The following OTOA variants were observed in gnomAD, a reference collection of about 807,000 sequenced individuals.
OTOA encodes the protein cancer/testis antigen 108.
OTOA carries 70 observed loss-of-function variants against 110.8 expected under a neutral mutation model. The ratio of observed to expected loss-of-function variants is 0.63; its 90% CI spans 0.52 to 0.77. The LOEUF is 0.77. Among genes scored for constraint, OTOA ranks in the 30% least tolerant of loss-of-function variants. The probability of loss-of-function intolerance (pLI) is 0.00; values close to 1 mark genes in which losing one functional copy is unlikely to be tolerated. For missense variants in OTOA, 917 were observed against 1,075.8 expected (o/e 0.85, Z 2.06); for synonymous variants, 373 against 431.5 (o/e 0.86, Z 1.68).
intron 13 of OTOA, among the ~76,000 whole-genome samples, chr16:21,710,411 A>T (rs1452609770): frequency 6.6e-6 from 1 of 152,068 alleles, no homozygotes; most frequent in African/African-American, 2.4e-5. Flanking sequence ...GCCCCACCTG[A>T]CCCTCATTAT....
intron 18 of OTOA, 44 bp from the exon 19 acceptor site, chr16:21,726,479 A>G: frequency 6.2e-7 from 1 of 1,612,002 alleles, no homozygotes; most frequent in Non-Finnish European, 8.5e-7. Flanking sequence ...GGCCAACAGG[A>G]GCAGCCATGT....
At chr16:21,711,486 T>C (rs1047526029) in intron 13 of OTOA, among the ~76,000 whole-genome samples, 8 of 152,176 alleles carry the variant, frequency 5.3e-5, no homozygotes, top group Non-Finnish European at 1.0e-4. Context: ...ATTTTTTTTT[T>C]GATACGGAGT....
Position 21,684,432 on chromosome 16 carries a change from G to A in OTOA, c.268-798G>A, listed in dbSNP as rs1178108670. The A allele has an allele frequency of 2.0e-6, 3 of 1,532,900 alleles. No individual in the cohort carries two copies. The African/African-American group carries it at 4.1e-5, about 21-fold the overall frequency. 95.0% of individuals were successfully genotyped at this position (1,532,900 alleles called of 1,614,324 possible). On this transcript the variant is annotated intron_variant, in intron 6 of 28. Coordinates refer to ENST00000646100, the MANE Select transcript of OTOA (RefSeq NM_144672.4). Reference sequence around the variant, plus strand: ...GGGCGCCACAGAGTATGTTCATTTCGCCTGTATTTTGCTCCTGCGCTGGTA... The same window carrying A: ...GGGCGCCACAGAGTATGTTCATTTCACCTGTATTTTGCTCCTGCGCTGGTA...
chr16:21,685,355 C>A lies in OTOA; in HGVS notation c.393C>A (p.Asp131Glu), dbSNP rs367679697. Residue 131 changes from aspartate (D) to glutamate (E), a missense_variant, in exon 7 of 29, where the codon GAC (aspartate) becomes GAA (glutamate). By Grantham distance (45) the Asp-to-Glu change is conservative. Transcript: ENST00000646100. Reference protein sequence around the residue: ...AMKCLLEDKKDGLDLKDIIID... With the variant: ...AMKCLLEDKKEGLDLKDIIID... ...AATGCCTCTTAGAAGACAAGAAGGA[C>A]GGCTTGGTGAGGAGCCCTTGGCATC... The A allele has an allele frequency of 8.7e-6, 14 of 1,611,082 alleles. No homozygotes were observed. The African/African-American group carries it at 1.5e-4, about 17-fold the overall frequency.
intron 17 of OTOA, among the ~76,000 whole-genome samples, chr16:21,719,790 C>T (rs973628540): frequency 4.6e-5 from 7 of 152,050 alleles, no homozygotes; most frequent in East Asian, 1.9e-4. Context: ...ATTATGTTCC[C>T]GTGGGATGGA....
At chr16:21,699,906 G>GAGAC (rs1383717350) in intron 10 of OTOA, among the ~76,000 whole-genome samples, 1 of 151,694 alleles carries the variant, frequency 6.6e-6, no homozygotes, top group Non-Finnish European at 1.5e-5. Flanking sequence ...GTGACAGAGC[G>GAGAC]AGACTCCATC....
At chr16:21,684,519 G>A (rs898256644) in intron 6 of OTOA, 12 of 1,550,636 alleles carry the variant, frequency 7.7e-6, no homozygotes, top group Non-Finnish European at 1.0e-5. Context: ...GCCAGCTGCT[G>A]CTGATGGGAA....
intron 9 of OTOA, among the ~76,000 whole-genome samples, chr16:21,692,109 C>T (rs1373386396): frequency 1.6e-4 from 24 of 151,962 alleles, no homozygotes; most frequent in Admixed American, 7.9e-4. Context: ...GGAGGATTGC[C>T]GGAGGTCAGG....
chr16:21,672,752 A>G (rs1455239221), intron 1 of OTOA, among the ~76,000 whole-genome samples: 1 of 152,136 alleles, frequency 6.6e-6, no homozygotes, highest in Non-Finnish European at 1.5e-5. Flanking sequence ...AACATTTCTC[A>G]TTTCTTTCTG....
intron 1 of OTOA, among the ~76,000 whole-genome samples, chr16:21,675,103 TTCTTTC>T (rs1438420867): frequency 7.1e-6 from 1 of 141,006 alleles, no homozygotes; most frequent in Non-Finnish European, 1.5e-5. Flanking sequence ...CTTTCTTTCT[TTCTTTC>T]TTTCTTTTTC....
At position 21,679,212 on chromosome 16, in the gene OTOA, G is replaced by C; in HGVS notation, c.179+1G>C. ...TGCTGGATCTCATACAGTTTCAAAG[G>C]TAAAATGCCCTAGAGGAGAGGGGAA... is the stretch of plus-strand genomic sequence containing the variant. On this transcript the variant is annotated splice_donor_variant, in intron 5 of 28. Coordinates refer to ENST00000646100, the MANE Select transcript of OTOA (RefSeq NM_144672.4). LOFTEE classifies it high-confidence loss of function. 6.2e-7 allele frequency: 1 copy of C among 1,613,228 alleles called. No individual in the cohort carries two copies.
At chr16:21,717,410 C>G (rs1442319286) in intron 15 of OTOA, among the ~76,000 whole-genome samples, 1 of 152,102 alleles carries the variant, frequency 6.6e-6, no homozygotes, top group East Asian at 1.9e-4. Flanking sequence ...TACTCCACTC[C>G]AGTCTGGGCG....
intron 11 of OTOA, among the ~76,000 whole-genome samples, chr16:21,704,734 G>T (rs573307388): frequency 1.3e-5 from 2 of 152,168 alleles, no homozygotes; most frequent in East Asian, 3.8e-4. Flanking sequence ...AACGGTTACT[G>T]TGAATCAACT....
chr16:21,691,475 A>G, intron 8 of OTOA, 109 bp from the exon 9 acceptor site: 2 of 834,834 alleles, frequency 2.4e-6, no homozygotes, highest in Non-Finnish European at 4.0e-6. Context: ...AGGAGAGGGA[A>G]GGGTTTTAAC....
chr16:21,689,217 A>C (rs1198371713), intron 8 of OTOA, among the ~76,000 whole-genome samples: 1 of 152,196 alleles, frequency 6.6e-6, no homozygotes, highest in African/African-American at 2.4e-5. Flanking sequence ...GAAGGAAAAG[A>C]CCAATATGAT....
intron 11 of OTOA, chr16:21,704,925 G>A (rs745508452): frequency 3.3e-5 from 26 of 783,570 alleles, no homozygotes; most frequent in African/African-American, 6.8e-5. Context: ...TGATTGGATC[G>A]TGGACCATGC....
At chr16:21,676,842 T>C (rs1966858991) in intron 1 of OTOA, among the ~76,000 whole-genome samples, 2 of 152,160 alleles carry the variant, frequency 1.3e-5, no homozygotes, top group South Asian at 4.1e-4. Flanking sequence ...GGATGGAGAC[T>C]CCAGGCAGTG....
chr16:21,711,955 C>T (rs767645536), intron 13 of OTOA, among the ~76,000 whole-genome samples: 37 of 152,100 alleles, frequency 2.4e-4, no homozygotes, highest in Non-Finnish European at 4.7e-4. Flanking sequence ...TAACAAGCAC[C>T]CATTATAATT....
chr16:21,687,269 G>A, intron 7 of OTOA, 144 bp from the exon 8 acceptor site: 1 of 735,152 alleles, frequency 1.4e-6, no homozygotes, highest in Non-Finnish European at 2.4e-6. Context: ...GCAGGGAATG[G>A]AAAGTTCTAG....
Sources: allele counts gnomAD v4.1 joint callset (sites outside exome capture counted in the v4.1 genomes callset), GRCh38; gene constraint gnomAD v4.1.1; transcripts MANE v1.5; gene names NCBI Gene and HGNC (gene_info 2026-07-23, HGNC 2026-07-21).